Variants in GANC observed in about 807,000 individuals in gnomAD.
GANC encodes neutral alpha-glucosidase C.
In GANC, 117 loss-of-function variants were observed where a neutral mutation model predicts 124.2. The ratio of observed to expected loss-of-function variants is 0.94; its 90% confidence interval spans 0.81 to 1.10. The LOEUF is 1.10. GANC is among the 50% of genes least tolerant of loss of function. GANC has a pLI of 0.00. For missense variants in GANC, 1,140 were observed against 1,095.0 expected (o/e 1.04, Z -0.58); for synonymous variants, 377 against 376.8 (o/e 1.00, Z -0.01).
In GANC at chr15:42,287,753, A is replaced by G; in HGVS notation, c.264A>G (p.Glu88=). The G allele has an allele frequency of 1.9e-6, 3 of 1,613,256 alleles. No homozygotes were observed. Among genetic ancestry groups the G allele is most frequent in the South Asian group, 1.1e-5 (1 of 91,034 alleles). ...ACATTTTCAGGCTTAAAATTAATGA[A>G]GAGACTCCTCTAAAACCCAGATTTG... ...EGNIFRLKIN[E]ETPLKPRFEV... The change falls in exon 4 of 24, where the codon GAA becomes GAG. Residue 88 remains glutamate (E), a synonymous_variant. Coordinates refer to ENST00000318010, the MANE Select transcript of GANC (RefSeq NM_198141.3).
intron 10 of GANC, among the ~76,000 whole-genome samples, chr15:42,320,109 A>G (rs2052143865): frequency 6.6e-6 from 1 of 152,134 alleles, no homozygotes; most frequent in African/African-American, 2.4e-5. Context: ...GCTTGAACCC[A>G]GAGGCGGAGG....
chr15:42,332,714 T>G (rs902209553), intron 15 of GANC, among the ~76,000 whole-genome samples: 4 of 151,888 alleles, frequency 2.6e-5, no homozygotes, highest in Admixed American at 1.3e-4. Flanking sequence ...GAACAATCCC[T>G]GGAAAATATT....
intron 2 of GANC, among the ~76,000 whole-genome samples, chr15:42,277,450 A>C (rs1265092512): frequency 6.6e-6 from 1 of 151,064 alleles, no homozygotes; most frequent in Non-Finnish European, 1.5e-5. Context: ...GAATTGCTTG[A>C]ACCTGGGAGG....
At chr15:42,332,065 T>C (rs1189982669) in intron 15 of GANC, among the ~76,000 whole-genome samples, 1 of 152,174 alleles carries the variant, frequency 6.6e-6, no homozygotes, top group Non-Finnish European at 1.5e-5. Flanking sequence ...GTTTAAATTA[T>C]TCTCTTTTAG....
chr15:42,330,749 T>G, intron 15 of GANC, 77 bp downstream of exon 15: 4 of 819,692 alleles, frequency 4.9e-6, no homozygotes, highest in Non-Finnish European at 7.9e-6. Context: ...GTGATGTTAC[T>G]GTGCTGATGC....
intron 10 of GANC, 147 bp downstream of exon 10, chr15:42,310,993 C>T: frequency 4.7e-6 from 4 of 850,730 alleles, no homozygotes; most frequent in Non-Finnish European, 7.2e-6. Context: ...CTGTTCCCAT[C>T]CTCATCCCAT....
At chr15:42,301,910 C>T (rs1221875429) in intron 6 of GANC, among the ~76,000 whole-genome samples, 1 of 152,192 alleles carries the variant, frequency 6.6e-6, no homozygotes, top group Non-Finnish European at 1.5e-5. Context: ...GGGGAAGGGA[C>T]AACTGTGGGT....
chr15:42,350,326 A>AGCGAGTCGTCTTTTATTATTAT (rs1566963145), intron 22 of GANC, among the ~76,000 whole-genome samples: 9 of 151,908 alleles, frequency 5.9e-5, no homozygotes, highest in African/African-American at 2.2e-4. Flanking sequence ...CACTCCGCCC[A>AGCGAGTCGTCTTTTATTATTAT]TCTCCCCGAC....
rs1472187757 is a variant in GANC, at chr15:42,274,200, A to G, written c.-282A>G. On this transcript the variant is annotated 5_prime_UTR_variant, in exon 1 of 24. Coordinates refer to ENST00000318010, the MANE Select transcript of GANC (RefSeq NM_198141.3). The stretch of plus-strand genomic sequence containing the variant: ...TGCGTACACGCCCTCACCGCCGCCC[A>G]GTTTCGGTTCCTAACAAAAGCACGT... 4.7e-6 allele frequency: 2 copies of G among 425,804 alleles called. No individual in the cohort carries two copies. Among genetic ancestry groups the G allele is most frequent in the East Asian group, 5.1e-5 (1 of 19,462 alleles). 26.4% of individuals were successfully genotyped at this position (425,804 alleles called of 1,614,324 possible).
In GANC at chr15:42,349,460, G is replaced by C; in HGVS notation, c.2496G>C (p.Arg832Ser). 1 of 1,612,870 alleles carries C rather than the reference G, an allele frequency of 6.2e-7. No homozygotes were observed. The highest frequency in any genetic ancestry group is 8.5e-7 in the Non-Finnish European group (1 of 1,178,954). Residue 832 changes from arginine (R) to serine (S), a missense_variant, in exon 22 of 24, where the codon AGG becomes AGC. Physicochemically the swap from Arg to Ser is moderately radical, Grantham distance 110. Transcript: ENST00000318010. Reference protein sequence around the residue: ...QYLHQKQFLHRKFSFCSSVLI... With the variant: ...QYLHQKQFLHSKFSFCSSVLI... ...TCCACCAGAAGCAATTTTTGCACAG[G>C]AAGTTTTCATTCTGTTCCAGTGTTC... is the stretch of plus-strand genomic sequence containing the variant.
chr15:42,339,535 G>T, intron 16 of GANC, 134 bp from the exon 17 acceptor site: 3 of 1,037,170 alleles, frequency 2.9e-6, no homozygotes, highest in Non-Finnish European at 4.2e-6. Flanking sequence ...ACCTGTTTGA[G>T]GCCACGGCTT....
chr15:42,286,368 A>G (rs978564377), intron 3 of GANC, among the ~76,000 whole-genome samples: 1 of 152,224 alleles, frequency 6.6e-6, no homozygotes, highest in East Asian at 1.9e-4. Flanking sequence ...GCAATAATAG[A>G]TGCCAAATAA....
chr15:42,310,599 G>C (rs544055650), intron 9 of GANC, 94 bp from the exon 10 acceptor site: 1 of 1,501,920 alleles, frequency 6.7e-7, no homozygotes, highest in African/African-American at 1.4e-5. Context: ...AATATCAGTA[G>C]TATCTACTAA....
rs761670829 is a variant in GANC at position 42,351,320 on chromosome 15, C to G, written c.2532-9C>G. The G allele has an allele frequency of 6.2e-7, 1 of 1,602,474 alleles. No homozygotes were observed. The highest frequency in any genetic ancestry group is 8.5e-7 in the Non-Finnish European group (1 of 1,169,986). On this transcript the variant is annotated splice_polypyrimidine_tract_variant and intron_variant, in intron 22 of 23. Coordinates refer to ENST00000318010, the MANE Select transcript of GANC (RefSeq NM_198141.3). Reference sequence around the variant, plus strand: ...CCTCTCCTTTTAATACTGTTTGTATCTATTCCAGTTTTGCTGACCAGAGGG... The same window carrying G: ...CCTCTCCTTTTAATACTGTTTGTATGTATTCCAGTTTTGCTGACCAGAGGG...
At chr15:42,323,094 C>G (rs538574272) in intron 11 of GANC, among the ~76,000 whole-genome samples, 7 of 152,224 alleles carry the variant, frequency 4.6e-5, no homozygotes, top group Admixed American at 3.3e-4. Flanking sequence ...TTCCATCCAG[C>G]GATGACAAAA....
intron 19 of GANC, chr15:42,343,370 G>C: frequency 1.9e-6 from 1 of 528,472 alleles, no homozygotes; most frequent in Non-Finnish European, 3.4e-6. Flanking sequence ...ATTCCAAGGA[G>C]GATCAGAATG....
intron 4 of GANC, among the ~76,000 whole-genome samples, chr15:42,290,776 C>T (rs1384149062): frequency 2.6e-5 from 4 of 152,060 alleles, no homozygotes; most frequent in Admixed American, 1.3e-4. Flanking sequence ...CCACTGCACT[C>T]CAGCCTGGGT....
In GANC at chr15:42,352,227, C is replaced by T. The variant is rs2052452145; in HGVS notation, c.*88C>T. On this transcript the variant is annotated 3_prime_UTR_variant, in exon 24 of 24. Coordinates refer to ENST00000318010, the MANE Select transcript of GANC (RefSeq NM_198141.3). ...CCTTTTTTGAGATTTTTGCTGCAATCTGTTTGCCTTCCCTGAATCAAAATA... is the reference window on the plus strand; with the variant it reads ...CCTTTTTTGAGATTTTTGCTGCAATTTGTTTGCCTTCCCTGAATCAAAATA... The T allele has an allele frequency of 1.3e-6, 2 of 1,566,440 alleles. No homozygotes were observed. The highest frequency in any genetic ancestry group is 2.7e-5 in the African/African-American group (2 of 73,940).
chr15:42,344,474 C>A (rs2052348764), intron 19 of GANC, among the ~76,000 whole-genome samples: 1 of 152,198 alleles, frequency 6.6e-6, no homozygotes, highest in African/African-American at 2.4e-5. Context: ...TCTGGGATAA[C>A]CTCCTTGTCT....
Sources: allele counts gnomAD v4.1 joint callset (sites outside exome capture counted in the v4.1 genomes callset), GRCh38; gene constraint gnomAD v4.1.1; transcripts MANE v1.5; gene names NCBI Gene and HGNC (gene_info 2026-07-23, HGNC 2026-07-21).